The following AKT3 variants were observed in gnomAD, a reference collection of about 807,000 sequenced individuals.
The protein encoded by AKT3 is AKT serine/threonine kinase 3, also known as RAC-gamma serine/threonine-protein kinase.
Under a neutral mutation model 65.3 loss-of-function variants are expected in AKT3, and 15 were observed. That is an observed-to-expected ratio of 0.23 (90% CI 0.15 to 0.35). The LOEUF (loss-of-function observed/expected upper bound fraction) is 0.35. AKT3 is among the 10% of genes least tolerant of loss of function. The probability of loss-of-function intolerance (pLI) is 1.00; values close to 1 mark genes in which losing one functional copy is unlikely to be tolerated. For missense variants in AKT3, 243 were observed against 576.5 expected (o/e 0.42, Z 5.92); for synonymous variants, 206 against 183.8 (o/e 1.12, Z -0.98).
At chr1:243,702,406 CCTAACCT>C (rs1377303742) in intron 2 of AKT3, among the ~76,000 whole-genome samples, 1 of 152,106 alleles carries the variant, frequency 6.6e-6, no homozygotes, top group African/African-American at 2.4e-5. Flanking sequence ...GATGCATGAA[CCTAACCT>C]CTTTACATCT....
intron 3 of AKT3, among the ~76,000 whole-genome samples, chr1:243,690,110 A>G (rs775256949): frequency 2.7e-4 from 41 of 152,156 alleles, no homozygotes; most frequent in Non-Finnish European, 2.4e-4. Context: ...GCAGCATAGA[A>G]TAAGGTAGAA....
chr1:243,508,964 G>A (rs996099701), intron 13 of AKT3, among the ~76,000 whole-genome samples: 4 of 151,934 alleles, frequency 2.6e-5, no homozygotes, highest in African/African-American at 9.7e-5. Flanking sequence ...GCACCACTGC[G>A]CCTAGACAAA....
At chr1:243,776,847 G>A (rs1690584545) in intron 2 of AKT3, among the ~76,000 whole-genome samples, 1 of 152,080 alleles carries the variant, frequency 6.6e-6, no homozygotes, top group Non-Finnish European at 1.5e-5. Context: ...AAAAGATAAG[G>A]TGCCCTTAAG....
intron 3 of AKT3, among the ~76,000 whole-genome samples, chr1:243,672,751 C>T (rs1683238400): frequency 6.6e-6 from 1 of 152,174 alleles, no homozygotes; most frequent in South Asian, 2.1e-4. Context: ...ATGGTCACTA[C>T]AGATACTACC....
chr1:243,528,765 C>T (rs977478825), intron 12 of AKT3, among the ~76,000 whole-genome samples: 2 of 152,150 alleles, frequency 1.3e-5, no homozygotes, highest in South Asian at 4.1e-4. Flanking sequence ...CTATTATGAA[C>T]AGTGTTGTAA....
At chr1:243,753,978 T>G (rs927751834) in intron 2 of AKT3, among the ~76,000 whole-genome samples, 4 of 152,226 alleles carry the variant, frequency 2.6e-5, no homozygotes, top group African/African-American at 9.6e-5. Context: ...TCTGTGTGTT[T>G]CATATACTGG....
intron 12 of AKT3, among the ~76,000 whole-genome samples, chr1:243,522,341 C>T (rs185753077): frequency 4.1e-4 from 62 of 152,266 alleles, no homozygotes; most frequent in Non-Finnish European, 7.5e-4. Flanking sequence ...TTCCAACTTA[C>T]AAGCTAATTT....
chr1:243,794,715 TTGG>T (rs1691844813), intron 2 of AKT3, among the ~76,000 whole-genome samples: 1 of 152,226 alleles, frequency 6.6e-6, no homozygotes, highest in Non-Finnish European at 1.5e-5. Flanking sequence ...GATTTCTCCA[TTGG>T]TGGACAGCCC....
chr1:243,710,916 G>T (rs1686104024), intron 2 of AKT3, among the ~76,000 whole-genome samples: 1 of 152,162 alleles, frequency 6.6e-6, no homozygotes, highest in African/African-American at 2.4e-5. Flanking sequence ...TCATTTTAAA[G>T]ATAATAACCC....
rs146542159 is a variant in AKT3 at position 243,528,299 on chromosome 1, T to C, written c.1252-15873A>G. Among the ~76,000 whole-genome samples the C allele has an allele frequency of 2.5e-4, 38 of 152,346 alleles. No individual in the cohort carries two copies. The East Asian group carries it at 6.4e-3, about 26-fold the overall frequency. On this transcript the variant is annotated intron_variant, in intron 12 of 13. Transcript: ENST00000673466. ...ACATGCTCCCTTTAGCTACTGCTCC[T>C]TTCTTAACTCTTCAATTTTCTCTAT...
intron 12 of AKT3, among the ~76,000 whole-genome samples, chr1:243,515,636 T>C (rs914119988): frequency 7.2e-5 from 11 of 152,232 alleles, no homozygotes; most frequent in Non-Finnish European, 1.5e-4. Context: ...TTGCTAAAAT[T>C]AAATTAAACA....
chr1:243,837,788 T>C (rs1694986831), intron 2 of AKT3, among the ~76,000 whole-genome samples: 1 of 152,146 alleles, frequency 6.6e-6, no homozygotes, highest in Admixed American at 6.5e-5. Context: ...ATGTGATACT[T>C]AAGTGGTAAA....
chr1:243,768,810 G>A (rs1006638612), intron 2 of AKT3, among the ~76,000 whole-genome samples: 4 of 149,912 alleles, frequency 2.7e-5, no homozygotes, highest in Admixed American at 6.6e-5. Context: ...ACTCCAGTCC[G>A]GGCAAGACAG....
At chr1:243,531,438 T>C (rs1671520293) in intron 12 of AKT3, among the ~76,000 whole-genome samples, 1 of 152,196 alleles carries the variant, frequency 6.6e-6, no homozygotes, top group Non-Finnish European at 1.5e-5. Context: ...AAGCAAATAT[T>C]GTCCTGAAGT....
intron 12 of AKT3, among the ~76,000 whole-genome samples, chr1:243,522,951 A>G (rs562260362): frequency 6.6e-6 from 1 of 152,130 alleles, no homozygotes; most frequent in South Asian, 2.1e-4. Flanking sequence ...TTAATACCAC[A>G]CCAGATGAAT....
At chr1:243,609,839 A>T (rs982419421) in intron 8 of AKT3, among the ~76,000 whole-genome samples, 1 of 152,192 alleles carries the variant, frequency 6.6e-6, no homozygotes, top group Non-Finnish European at 1.5e-5. Context: ...TTCAATAATC[A>T]TCAATTAATT....
At chr1:243,497,307 C>T (rs1376942621), downstream of AKT3, among the ~76,000 whole-genome samples, 1 of 109,658 alleles carries the variant, frequency 9.1e-6, no homozygotes, top group Non-Finnish European at 1.8e-5. Context: ...TGAACGCTCA[C>T]CATGGGTCAG....
chr1:243,497,121 A>T (rs1353374115), downstream of AKT3, among the ~76,000 whole-genome samples: 4 of 152,190 alleles, frequency 2.6e-5, no homozygotes, highest in African/African-American at 9.7e-5. Context: ...GGTGTTGATG[A>T]CAGGACTTCC....
chr1:243,806,691 T>C (rs1275922859), intron 2 of AKT3, among the ~76,000 whole-genome samples: 2 of 152,200 alleles, frequency 1.3e-5, no homozygotes, highest in Admixed American at 6.5e-5. Flanking sequence ...ATGTGTCTCA[T>C]TGTTAGGAGT....
Sources: allele counts gnomAD v4.1 joint callset (sites outside exome capture counted in the v4.1 genomes callset), GRCh38; gene constraint gnomAD v4.1.1; transcripts MANE v1.5; gene names NCBI Gene and HGNC (gene_info 2026-07-23, HGNC 2026-07-21).